Variants in PUDP observed in about 807,000 individuals in gnomAD.
PUDP encodes pseudouridine-5'-phosphatase.
A neutral mutation model predicts 9.4 loss-of-function variants in PUDP; 8 were observed. The ratio of observed to expected loss-of-function variants is 0.85; its 90% confidence interval spans 0.50 to 1.53. The LOEUF (loss-of-function observed/expected upper bound fraction) is 1.53. PUDP is among the 40% of genes most tolerant of loss of function. PUDP has a pLI of 0.00. For missense variants in PUDP, 188 were observed against 189.7 expected, an observed-to-expected ratio of 0.99 and a Z score of 0.05; for synonymous variants, 99 against 80.7, an observed-to-expected ratio of 1.23 and a Z score of -1.22.
At chrX:6,892,002 C>T (rs1354419417) in intron 3 of PUDP, among the ~76,000 whole-genome samples, 1 of 112,055 alleles carries the variant, frequency 8.9e-6, no homozygotes, top group Non-Finnish European at 1.9e-5. Context: ...GTCCACAGCA[C>T]TCAGCACAGT....
chrX:6,842,135 C>G (rs967357170), intron 3 of PUDP, among the ~76,000 whole-genome samples: 2 of 112,097 alleles, frequency 1.8e-5, no homozygotes, highest in Non-Finnish European at 3.8e-5. Context: ...TCATATTCCT[C>G]TTGCTAAGAC....
chrX:6,925,564 T>C (rs1250307903), intron 3 of PUDP, among the ~76,000 whole-genome samples: 5 of 112,124 alleles, frequency 4.5e-5, no homozygotes, highest in African/African-American at 1.6e-4. Flanking sequence ...CCAATAGCAG[T>C]GACCACAGCC....
intron 3 of PUDP, among the ~76,000 whole-genome samples, chrX:6,734,814 G>A (rs1329659865): frequency 5.4e-5 from 6 of 111,721 alleles, no homozygotes; most frequent in Non-Finnish European, 1.1e-4. Flanking sequence ...TGTTGCCTTA[G>A]ATTTTGCAGC....
At chrX:7,100,368 C>T (rs1931696629) in intron 2 of PUDP, among the ~76,000 whole-genome samples, 1 of 111,162 alleles carries the variant, frequency 9.0e-6, no homozygotes, top group African/African-American at 3.3e-5. Flanking sequence ...TGCTAAATAC[C>T]TCCTTGGGTT....
At chrX:6,816,750 A>G (rs960146898) in intron 3 of PUDP, among the ~76,000 whole-genome samples, 13 of 95,496 alleles carry the variant, frequency 1.4e-4, no homozygotes, top group Non-Finnish European at 2.0e-5. Flanking sequence ...AGTATATACG[A>G]TATAGTATAT....
downstream of PUDP, among the ~76,000 whole-genome samples, chrX:7,047,009 A>G (rs893299626): frequency 4.5e-5 from 5 of 112,135 alleles, no homozygotes; most frequent in Admixed American, 4.7e-4. Context: ...TGATAGTTTT[A>G]CAGTTTCAAA....
At chrX:7,020,523 C>CA (rs1411495937) in intron 1 of PUDP, among the ~76,000 whole-genome samples, 1 of 111,239 alleles carries the variant, frequency 9.0e-6, no homozygotes, top group African/African-American at 3.3e-5. Context: ...ATGTCTTCAG[C>CA]ACCCAGGGTA....
At chrX:6,856,923 C>T (rs1284746159) in intron 3 of PUDP, among the ~76,000 whole-genome samples, 2 of 112,046 alleles carry the variant, frequency 1.8e-5, no homozygotes, top group African/African-American at 3.2e-5. Context: ...AGCATCCATA[C>T]GTATATTCAA....
intron 3 of PUDP, among the ~76,000 whole-genome samples, chrX:6,954,624 G>A (rs1928600415): frequency 8.9e-6 from 1 of 112,019 alleles, no homozygotes; most frequent in Admixed American, 9.5e-5. Context: ...TTGCTAAAAG[G>A]ACTCACAGGA....
chrX:6,816,154 AAG>A (rs1485013850), intron 3 of PUDP, among the ~76,000 whole-genome samples: 1 of 106,895 alleles, frequency 9.4e-6, no homozygotes, highest in Non-Finnish European at 1.9e-5. Flanking sequence ...AGGAATAGCT[AAG>A]AGAAAAAGAA....
intron 3 of PUDP, among the ~76,000 whole-genome samples, chrX:6,769,916 G>A (rs920217126): frequency 3.6e-5 from 4 of 112,327 alleles, no homozygotes; most frequent in African/African-American, 1.3e-4. Context: ...CCTAAACGGG[G>A]GATAAATTGC....
intron 1 of PUDP, among the ~76,000 whole-genome samples, chrX:6,720,107 T>C (rs1288930389): frequency 9.4e-6 from 1 of 106,074 alleles, no homozygotes; most frequent in African/African-American, 3.4e-5. Flanking sequence ...TATACATACA[T>C]ATATACATTT....
At chrX:7,058,072 C>T (rs12353871) in intron 3 of PUDP, among the ~76,000 whole-genome samples, 37,126 of 110,142 alleles carry the variant, frequency 0.34, 4,828 homozygotes, top group Middle Eastern at 0.47. Flanking sequence ...GCAGACAGAA[C>T]AGTCACAGCA....
rs1471814598 is a variant in PUDP at position 6,808,650 on chromosome X, G to A, written c.*248-102184C>T. 2.3e-4 allele frequency among the ~76,000 whole-genome samples: 26 copies of A among 111,642 alleles called. No homozygotes were observed. The Admixed American group carries it at 2.4e-3, about 10-fold the overall frequency. On this transcript the variant is annotated intron_variant and NMD_transcript_variant, in intron 3 of 3. Coordinates refer to the PUDP transcript ENST00000655425. ...TACAGTGGCTCCCAAGCAGGTTTAC[G>A]TTCATTATTTTAGTTAAGTATGACA... is the stretch of plus-strand genomic sequence containing the variant.
At chrX:7,102,317 CA>C (rs201420593) in intron 2 of PUDP, among the ~76,000 whole-genome samples, 2,730 of 56,520 alleles carry the variant, frequency 0.048, 94 homozygotes, top group African/African-American at 0.17. Flanking sequence ...AATAAGGAAC[CA>C]AAAAAAAAAA....
intron 1 of PUDP, among the ~76,000 whole-genome samples, chrX:7,131,955 C>T (rs370182817): frequency 9.1e-6 from 1 of 109,855 alleles, no homozygotes; most frequent in Admixed American, 9.8e-5. Flanking sequence ...ATTTGGGATG[C>T]GTTTGCTCTG....
intron 1 of PUDP, among the ~76,000 whole-genome samples, chrX:6,720,709 A>C (rs962222994): frequency 1.8e-5 from 2 of 110,598 alleles, no homozygotes; most frequent in Non-Finnish European, 3.8e-5. Context: ...AGTGATAGAT[A>C]AGTTATTTAC....
intron 3 of PUDP, among the ~76,000 whole-genome samples, chrX:6,752,695 G>T (rs1052975325): frequency 1.8e-4 from 20 of 110,932 alleles, no homozygotes; most frequent in African/African-American, 6.2e-4. Context: ...AGGAGGGAAG[G>T]ATAGGAATGT....
At chrX:6,748,483 C>CAAAG (rs1245509864) in intron 3 of PUDP, among the ~76,000 whole-genome samples, 8 of 111,626 alleles carry the variant, frequency 7.2e-5, no homozygotes, top group Middle Eastern at 4.6e-3. Context: ...CAGTATGTCT[C>CAAAG]AAAGACCTGA....
Sources: allele counts gnomAD v4.1 joint callset (sites outside exome capture counted in the v4.1 genomes callset), GRCh38; gene constraint gnomAD v4.1.1; transcripts MANE v1.5; gene names NCBI Gene and HGNC (gene_info 2026-07-23, HGNC 2026-07-21).